Variants in SCD5 observed in about 807,000 individuals in gnomAD.
SCD5 encodes acyl-CoA-desaturase 4.
Under a neutral mutation model 30.4 loss-of-function variants are expected in SCD5, and 20 were observed. That is an observed-to-expected ratio of 0.66 (90% CI 0.46 to 0.96). The LOEUF is 0.96. Ranked by LOEUF, SCD5 falls within the 40% of genes least tolerant of loss-of-function variation. The pLI, the probability that SCD5 is intolerant of heterozygous loss-of-function variation, is 0.00. For missense variants in SCD5, 381 were observed against 443.3 expected (o/e 0.86, Z 1.26); for synonymous variants, 173 against 176.4 (o/e 0.98, Z 0.16).
chr4:82,691,897 T>C (rs1444951161), intron 2 of SCD5: 4 of 152,382 alleles, frequency 2.6e-5, no homozygotes, highest in African/African-American at 7.2e-5. Context: ...GCTAGGTGTG[T>C]CTGGTGTTAC....
chr4:82,786,722 G>A (rs1158713996), intron 1 of SCD5, among the ~76,000 whole-genome samples: 1 of 149,282 alleles, frequency 6.7e-6, no homozygotes, highest in Non-Finnish European at 1.5e-5. Context: ...AACCCAGAAG[G>A]CAGAGGTTGC....
chr4:82,684,433 G>A, intron 2 of SCD5, among the ~76,000 whole-genome samples: 1 of 152,302 alleles, frequency 6.6e-6, no homozygotes, highest in East Asian at 1.9e-4. Flanking sequence ...CAATAGAGCA[G>A]AAAGGGAGCA....
At chr4:82,631,616 T>C (rs1057234739) in intron 4 of SCD5, 99 bp from the exon 5 acceptor site, 10 of 1,289,414 alleles carry the variant, frequency 7.8e-6, no homozygotes, top group Non-Finnish European at 1.1e-5. Context: ...GTGCAGGACA[T>C]GGTGTCAGCC....
intron 1 of SCD5, among the ~76,000 whole-genome samples, chr4:82,777,892 G>A (rs1429699821): frequency 5.1e-5 from 6 of 117,682 alleles, no homozygotes; most frequent in Admixed American, 2.4e-4. Flanking sequence ...GAAAGCTGAC[G>A]CTGCCCCCTT....
intron 2 of SCD5, among the ~76,000 whole-genome samples, chr4:82,696,217 A>G (rs1301347946): frequency 2.0e-5 from 3 of 152,240 alleles, no homozygotes; most frequent in Non-Finnish European, 4.4e-5. Context: ...TCTGAAACTC[A>G]ATAAATATTA....
At chr4:82,786,718 G>A (rs755647490) in intron 1 of SCD5, among the ~76,000 whole-genome samples, 1 of 147,036 alleles carries the variant, frequency 6.8e-6, no homozygotes, top group East Asian at 2.0e-4. Flanking sequence ...CTTGAACCCA[G>A]AAGGCAGAGG....
rs1002693288 is a variant in SCD5 at position 82,798,595 on chromosome 4, G to A, written c.-58C>T. 2.4e-5 allele frequency: 35 copies of A among 1,434,728 alleles called. No individual in the cohort carries two copies. Among genetic ancestry groups the A allele is most frequent in the Admixed American group, 1.7e-4 (7 of 41,946 alleles). The allele number at this position is 1,434,728 out of a possible 1,614,324, so 88.9% of individuals were successfully genotyped here. ...AGGCAGGCAGGCGCTCTGCCCGAGC[G>A]GAGCTCGAGGGTGGGGGCGGGGGCT... is the stretch of plus-strand genomic sequence containing the variant. On this transcript the variant is annotated 5_prime_UTR_variant, in exon 1 of 5. Transcript: ENST00000319540.
intron 1 of SCD5, among the ~76,000 whole-genome samples, chr4:82,777,695 G>T (rs541522483): frequency 6.6e-6 from 1 of 152,158 alleles, no homozygotes; most frequent in Admixed American, 6.5e-5. Context: ...CTGCTTCTGG[G>T]AAAGTATCTT....
chr4:82,779,419 A>G (rs1721823031), intron 1 of SCD5, among the ~76,000 whole-genome samples: 1 of 152,208 alleles, frequency 6.6e-6, no homozygotes, highest in East Asian at 1.9e-4. Flanking sequence ...GAATGTCGAC[A>G]CTTTGATTTT....
At chr4:82,733,224 C>G (rs951481001) in intron 1 of SCD5, among the ~76,000 whole-genome samples, 1 of 152,158 alleles carries the variant, frequency 6.6e-6, no homozygotes, top group African/African-American at 2.4e-5. Flanking sequence ...CCACACACCA[C>G]CAGCATGCAC....
At chr4:82,713,125 C>A (rs1188216568) in intron 1 of SCD5, among the ~76,000 whole-genome samples, 2 of 152,204 alleles carry the variant, frequency 1.3e-5, no homozygotes, top group Non-Finnish European at 2.9e-5. Context: ...TCTCATCCCA[C>A]AGCATGAATC....
chr4:82,712,728 T>G (rs1384994212), intron 1 of SCD5, among the ~76,000 whole-genome samples: 1 of 152,102 alleles, frequency 6.6e-6, no homozygotes, highest in Non-Finnish European at 1.5e-5. Context: ...AATGTGTGTG[T>G]ATGTGTGTGC....
chr4:82,683,951 T>C (rs1157032095), intron 2 of SCD5, among the ~76,000 whole-genome samples: 1 of 152,230 alleles, frequency 6.6e-6, no homozygotes, highest in East Asian at 1.9e-4. Context: ...TCTCAGGTAG[T>C]TATTTATGGC....
At chr4:82,694,074 C>A (rs1174682074) in intron 2 of SCD5, among the ~76,000 whole-genome samples, 1 of 152,214 alleles carries the variant, frequency 6.6e-6, no homozygotes, top group Non-Finnish European at 1.5e-5. Flanking sequence ...ACCTCCAGAG[C>A]ATGGGCAGCA....
chr4:82,760,989 C>T (rs1721352454), intron 1 of SCD5, among the ~76,000 whole-genome samples: 1 of 152,146 alleles, frequency 6.6e-6, no homozygotes, highest in Non-Finnish European at 1.5e-5. Flanking sequence ...GAATATTAGC[C>T]TTTATTTGTG....
chr4:82,669,670 A>G (rs961168364), intron 3 of SCD5, among the ~76,000 whole-genome samples: 1 of 152,136 alleles, frequency 6.6e-6, no homozygotes, highest in Admixed American at 6.5e-5. Context: ...TCCTTCCAGG[A>G]GCTTGACCAG....
chr4:82,743,537 T>G (rs997370562), intron 1 of SCD5, among the ~76,000 whole-genome samples: 2 of 152,012 alleles, frequency 1.3e-5, no homozygotes, highest in Non-Finnish European at 2.9e-5. Flanking sequence ...TATATATATT[T>G]TTTAATTTTT....
At chr4:82,771,034 C>T (rs1221900821) in intron 1 of SCD5, among the ~76,000 whole-genome samples, 1 of 152,188 alleles carries the variant, frequency 6.6e-6, no homozygotes, top group East Asian at 1.9e-4. Flanking sequence ...GGCACAATCA[C>T]TGCTCACTGC....
intron 1 of SCD5, among the ~76,000 whole-genome samples, chr4:82,727,668 G>A (rs1444701953): frequency 2.0e-5 from 3 of 152,096 alleles, no homozygotes; most frequent in Non-Finnish European, 2.9e-5. Flanking sequence ...GGAAAGTCTA[G>A]CTTCTCTTGG....
Sources: gnomAD v4.1 joint callset for allele counts (sites outside exome capture counted in the v4.1 genomes callset) on GRCh38, gnomAD v4.1.1 for gene constraint, MANE v1.5 for transcripts, NCBI Gene and HGNC (gene_info 2026-07-23, HGNC 2026-07-21) for gene names.